The following PCDH15 variants were observed in gnomAD, a reference collection of about 807,000 sequenced individuals.
PCDH15 encodes protocadherin-15.
Under a neutral mutation model 178.5 loss-of-function variants are expected in PCDH15, and 129 were observed. The observed-to-expected ratio is 0.72, with a 90% CI of 0.63 to 0.84. The LOEUF (loss-of-function observed/expected upper bound fraction) is 0.84, where lower values mean the gene tolerates loss of function less well. Among genes scored for constraint, PCDH15 ranks in the 40% least tolerant of loss-of-function variants. The pLI is 0.00. For synonymous variants in PCDH15, 800 were observed against 732.0 expected (o/e 1.09, Z -1.50); for missense variants, 2,230 against 2,099.9 (o/e 1.06, Z -1.21).
intron 3 of PCDH15, among the ~76,000 whole-genome samples, chr10:54,816,541 A>G (rs1475233517): frequency 1.3e-5 from 2 of 151,932 alleles, no homozygotes; most frequent in Non-Finnish European, 2.9e-5. Flanking sequence ...AAACTAAGAT[A>G]TTTTTCATGC....
chr10:54,788,350 T>C (rs1219571688), intron 1 of PCDH15, among the ~76,000 whole-genome samples: 1 of 151,816 alleles, frequency 6.6e-6, no homozygotes, highest in Non-Finnish European at 1.5e-5. Context: ...GAATCTGAAA[T>C]AATCATGGGA....
At chr10:54,378,986 T>C (rs750013463) in intron 3 of PCDH15, 44 bp from the exon 4 acceptor site, 3 of 1,606,912 alleles carry the variant, frequency 1.9e-6, no homozygotes, top group South Asian at 1.1e-5. Context: ...TCTACTCATA[T>C]GAATTCTTTA....
At chr10:54,873,024 A>C (rs913865176) in intron 3 of PCDH15, among the ~76,000 whole-genome samples, 33 of 151,904 alleles carry the variant, frequency 2.2e-4, no homozygotes, top group Non-Finnish European at 3.8e-4. Context: ...AGGAAAAAAA[A>C]CGAAACAATT....
rs544407422 is a variant in PCDH15 at position 54,273,446 on chromosome 10, A to G, written c.877-36515T>C. On this transcript the variant is annotated intron_variant, in intron 8 of 37. Coordinates refer to ENST00000644397, the MANE Select transcript of PCDH15 (RefSeq NM_001384140.1). The stretch of plus-strand genomic sequence containing the variant: ...TTTCCAGCCAGATTGATGACCAAGT[A>G]AAGAGAAAAGGAAGGAGACAGATCA... Among the ~76,000 whole-genome samples, 3 of 152,180 alleles carry G rather than the reference A, an allele frequency of 2.0e-5. No homozygotes were observed. The South Asian group carries it at 6.2e-4, about 32-fold the overall frequency.
chr10:54,798,812 G>GC (rs1043207879), intron 1 of PCDH15, among the ~76,000 whole-genome samples: 3 of 151,996 alleles, frequency 2.0e-5, no homozygotes, highest in African/African-American at 7.2e-5. Flanking sequence ...TATATGGGGG[G>GC]CTTCTGTGTT....
chr10:55,055,844 A>C (rs1029788706), intron 2 of PCDH15, among the ~76,000 whole-genome samples: 16 of 152,056 alleles, frequency 1.1e-4, no homozygotes, highest in African/African-American at 3.9e-4. Flanking sequence ...GAAAGAAAGA[A>C]AGGAGGGTGG....
chr10:54,993,869 T>C lies in PCDH15; in HGVS notation c.-79-96369A>G, dbSNP rs1591824503. ...ACACGAAAAGATCAACCATCCCTCATCCAACAAATTAAAAAGTCAGAAATT... is the reference window on the plus strand; with the variant it reads ...ACACGAAAAGATCAACCATCCCTCACCCAACAAATTAAAAAGTCAGAAATT... On this transcript the variant is annotated intron_variant, in intron 2 of 5. Transcript: ENST00000458638. Among the ~76,000 whole-genome samples the C allele has an allele frequency of 2.6e-5, 4 of 152,232 alleles. No homozygotes were observed. The South Asian group carries it at 8.3e-4, about 32-fold the overall frequency.
intron 2 of PCDH15, among the ~76,000 whole-genome samples, chr10:55,542,052 C>G (rs939716990): frequency 1.3e-5 from 2 of 151,608 alleles, no homozygotes; most frequent in Non-Finnish European, 3.0e-5. Context: ...GTCAATCTAA[C>G]AGGATTGACA....
At chr10:54,325,249 A>C (rs1192482108) in intron 7 of PCDH15, among the ~76,000 whole-genome samples, 2 of 152,142 alleles carry the variant, frequency 1.3e-5, no homozygotes, top group Non-Finnish European at 1.5e-5. Context: ...TTCTCTTCGA[A>C]AATCAAATAT....
In PCDH15 at chr10:53,828,557, A is replaced by ATACT. The variant is rs755225230; in HGVS notation, c.4211+4_4211+7dup. 5 of 1,552,544 alleles carry ATACT rather than the reference A, an allele frequency of 3.2e-6. No individual in the cohort carries two copies. Among genetic ancestry groups the ATACT allele is most frequent in the African/African-American group, 2.7e-5 (2 of 73,600 alleles). ...GAAAAGGATGTGTAAAATGTTAATTATACTTACACTTTAAACCTGTTTGGG... is the reference window on the plus strand; with the variant it reads ...GAAAAGGATGTGTAAAATGTTAATTATACTTACTTACACTTTAAACCTGTTTGGG... On this transcript the variant is annotated splice_region_variant and intron_variant, in intron 31 of 37. Transcript: ENST00000644397.
intron 2 of PCDH15, among the ~76,000 whole-genome samples, chr10:55,475,022 A>G (rs1440157680): frequency 6.6e-6 from 1 of 152,064 alleles, no homozygotes; most frequent in East Asian, 1.9e-4. Context: ...TAGTACCTTC[A>G]CAACACTCGT....
rs142758398 is a variant in PCDH15, at chr10:54,961,364, C to T, written c.-79-63864G>A. 7.8e-3 allele frequency among the ~76,000 whole-genome samples: 1,190 copies of T among 152,338 alleles called. 18 individuals are homozygous for T. The highest frequency in any genetic ancestry group is 0.027 in the African/African-American group (1,103 of 41,576). ...GTACCAGCCTGCAGGAACCCCTCCA[C>T]ATGAACATCCTGGGTGCTATGGATG... On this transcript the variant is annotated intron_variant, in intron 2 of 5. Transcript: ENST00000458638.
chr10:55,137,944 C>T (rs183356952), intron 2 of PCDH15, among the ~76,000 whole-genome samples: 44 of 152,180 alleles, frequency 2.9e-4, no homozygotes, highest in African/African-American at 8.9e-4. Flanking sequence ...CCAACCCACA[C>T]GTATTATGCT....
rs1207375987 is a variant in PCDH15 at position 54,559,244 on chromosome 10, CAAT to C, written c.92-31370_92-31368del. Among the ~76,000 whole-genome samples, 23 of 151,972 alleles carry C rather than the reference CAAT, an allele frequency of 1.5e-4. 1 individual carries two copies. The East Asian group carries it at 4.1e-3, about 27-fold the overall frequency. ...CAACACCTAGCACATCCTAAGTGCTCAATAATAATCCTTATTACTTTGTAATGC... is the reference window on the plus strand; with the variant it reads ...CAACACCTAGCACATCCTAAGTGCTCAATAATCCTTATTACTTTGTAATGC... On this transcript the variant is annotated intron_variant, in intron 2 of 37. Coordinates refer to ENST00000644397, the MANE Select transcript of PCDH15 (RefSeq NM_001384140.1).
intron 25 of PCDH15, among the ~76,000 whole-genome samples, chr10:53,933,417 T>A: frequency 6.8e-6 from 1 of 147,660 alleles, no homozygotes; most frequent in East Asian, 2.1e-4. Flanking sequence ...AGTGAGAACA[T>A]GTGGTGTTTG....
At chr10:54,517,528 G>T in intron 3 of PCDH15, among the ~76,000 whole-genome samples, 1 of 151,988 alleles carries the variant, frequency 6.6e-6, no homozygotes, top group South Asian at 2.1e-4. Context: ...AAATATATAT[G>T]CACCCAATAC....
intron 17 of PCDH15, among the ~76,000 whole-genome samples, chr10:54,069,894 T>C (rs1402179083): frequency 6.6e-6 from 1 of 152,150 alleles, no homozygotes; most frequent in East Asian, 1.9e-4. Flanking sequence ...ATGTTCACAA[T>C]TAATTTTAAA....
chr10:54,434,142 G>A (rs1367038349), intron 3 of PCDH15, among the ~76,000 whole-genome samples: 1 of 152,144 alleles, frequency 6.6e-6, no homozygotes, highest in Non-Finnish European at 1.5e-5. Context: ...TTTTTGTGCA[G>A]GTGTACAATG....
At chr10:55,380,657 C>A (rs1837511115) in intron 2 of PCDH15, among the ~76,000 whole-genome samples, 1 of 152,138 alleles carries the variant, frequency 6.6e-6, no homozygotes, top group South Asian at 2.1e-4. Context: ...GTATTCACCT[C>A]AATCCACCTC....
Sources: allele counts gnomAD v4.1 joint callset (sites outside exome capture counted in the v4.1 genomes callset), GRCh38; gene constraint gnomAD v4.1.1; transcripts MANE v1.5; gene names NCBI Gene and HGNC (gene_info 2026-07-23, HGNC 2026-07-21).